Variants in PER2 observed in about 807,000 individuals in gnomAD.
PER2 encodes the protein period circadian protein homolog 2.
Under a neutral mutation model 121.0 loss-of-function variants are expected in PER2, and 66 were observed. The observed-to-expected ratio is 0.55, with a 90% CI of 0.45 to 0.67. PER2 has a LOEUF of 0.67. Among genes scored for constraint, PER2 ranks in the 30% least tolerant of loss-of-function variants. The pLI is 0.00. For synonymous variants in PER2, 684 were observed against 659.9 expected, an observed-to-expected ratio of 1.04 and a Z score of -0.56; for missense variants, 1,521 against 1,635.0, an observed-to-expected ratio of 0.93 and a Z score of 1.20.
At chr2:238,264,022 T>C (rs1574849152) in intron 9 of PER2, among the ~76,000 whole-genome samples, 1 of 115,686 alleles carries the variant, frequency 8.6e-6, no homozygotes. Flanking sequence ...GGGTGGAGGG[T>C]GAAAAGAAGG....
chr2:238,258,229 G>A (rs1695819545), intron 16 of PER2, 47 bp downstream of exon 16: 4 of 1,605,554 alleles, frequency 2.5e-6, no homozygotes, highest in Middle Eastern at 1.7e-4. Context: ...CTACTCCAGA[G>A]GATTTACATT....
chr2:238,283,772 G>C (rs1320982010), intron 1 of PER2, among the ~76,000 whole-genome samples: 1 of 152,198 alleles, frequency 6.6e-6, no homozygotes, highest in Non-Finnish European at 1.5e-5. Context: ...GAGCTGCCAA[G>C]GGGCCGCCCA....
Position 238,268,172 on chromosome 2 carries a change from A to G in PER2, c.851T>C (p.Ile284Thr). 2.5e-6 allele frequency: 4 copies of G among 1,614,024 alleles called. No homozygotes were observed. Among genetic ancestry groups the G allele is most frequent in the Non-Finnish European group, 3.4e-6 (4 of 1,179,998 alleles). The part of the protein sequence containing the change: ...VSVRKSHENE[I>T]RYHPFRMTPY... ...CGTCATGCGGAAGGGGTGGTAGCGG[A>G]TTTCATTCTCGTGGCTTTTCCGGAC... The change falls in exon 8 of 23, where the codon ATC becomes ACC. Residue 284 changes from isoleucine to threonine, a missense_variant. By Grantham distance (89) the Ile-to-Thr change is moderately conservative. Coordinates refer to ENST00000254657, the MANE Select transcript of PER2 (RefSeq NM_022817.3). This position sits in a 1 kb window ranked among gnomAD's most constrained non-coding sequence, Gnocchi z 4.0.
At position 238,249,152 on chromosome 2, in the gene PER2, C is replaced by A. The variant is rs765722086; in HGVS notation, c.3528G>T (p.Gln1176His). 1 of 1,614,148 alleles carries A rather than the reference C, an allele frequency of 6.2e-7. No individual in the cohort carries two copies. The highest frequency in any genetic ancestry group is 8.5e-7 in the Non-Finnish European group (1 of 1,179,948). ...GCTTCTGACTCTCCGTGAACCTGGG[C>A]TGGAGTTTCTGTAGGAGCTTCAGCT... is the stretch of plus-strand genomic sequence containing the variant. Reference protein sequence around the residue: ...REKLKLLQKLQPRFTESQKQE... With the variant: ...REKLKLLQKLHPRFTESQKQE... The change falls in exon 22 of 23, where the codon CAG (glutamine) becomes CAT (histidine). Residue 1176 changes from glutamine (Q) to histidine (H), a missense_variant. By Grantham distance (24) the Gln-to-His change is conservative. Coordinates refer to ENST00000254657, the MANE Select transcript of PER2 (RefSeq NM_022817.3).
intron 1 of PER2, among the ~76,000 whole-genome samples, chr2:238,279,622 G>A (rs1018578889): frequency 6.6e-6 from 1 of 152,318 alleles, no homozygotes; most frequent in Admixed American, 6.5e-5. Context: ...CAAAGGGAGA[G>A]AAGGGTTTCT....
Position 238,283,382 on chromosome 2 carries a change from T to C in PER2, c.-20+4967A>G, listed in dbSNP as rs541222565. ...CCCTTTTCCTTTTCTACTGCTACCCTGGGACTGCAATTCCCAGTAAAGTGC... is the reference window on the plus strand; with the variant it reads ...CCCTTTTCCTTTTCTACTGCTACCCCGGGACTGCAATTCCCAGTAAAGTGC... On this transcript the variant is annotated intron_variant, in intron 1 of 22. Transcript: ENST00000254657. Among the ~76,000 whole-genome samples, 21 of 152,352 alleles carry C rather than the reference T, an allele frequency of 1.4e-4. No homozygotes were observed. The South Asian group carries it at 3.3e-3, about 24-fold the overall frequency.
At chr2:238,297,909 G>C in the PER2 span, among the ~76,000 whole-genome samples, 1 of 152,202 alleles carries the variant, frequency 6.6e-6, no homozygotes, top group East Asian at 1.9e-4. Context: ...CGCGTGTCTG[G>C]CTTGCCTCGT....
At chr2:238,257,864 T>G (rs1487393607) in intron 16 of PER2, among the ~76,000 whole-genome samples, 1 of 152,244 alleles carries the variant, frequency 6.6e-6, no homozygotes, top group Non-Finnish European at 1.5e-5. Flanking sequence ...TTATGGGCCA[T>G]GTTAACATTC....
upstream of PER2, among the ~76,000 whole-genome samples, chr2:238,291,154 G>A (rs1469983556): frequency 6.6e-6 from 1 of 152,240 alleles, no homozygotes; most frequent in East Asian, 1.9e-4. Context: ...TTTAGTTGGG[G>A]GTGGAGGTGG....
chr2:238,268,259 G>A lies in PER2; in HGVS notation c.825-61C>T. 6.4e-7 allele frequency: 1 copy of A among 1,555,436 alleles called. No individual in the cohort carries two copies. Among genetic ancestry groups the A allele is most frequent in the Non-Finnish European group, 8.8e-7 (1 of 1,134,118 alleles). On this transcript the variant is annotated intron_variant, in intron 7 of 22. Transcript: ENST00000254657. The surrounding 1 kb of genome is among the most constrained non-coding windows in gnomAD (Gnocchi z 4.0). ...TGACACAGGAACAGTCCCCTGTTCT[G>A]TTCCCTCCTCACCTGGGCCCCATGC...
chr2:238,258,451 G>A, intron 15 of PER2, 46 bp downstream of exon 15: 1 of 1,614,108 alleles, frequency 6.2e-7, no homozygotes, highest in Non-Finnish European at 8.5e-7. Flanking sequence ...TGAGAGGAGG[G>A]AAGGTGTGTG....
At position 238,273,210 on chromosome 2, in the gene PER2, T is replaced by TCA. The variant is rs3217472; in HGVS notation, c.449-21_449-20dup. On this transcript the variant is annotated intron_variant, in intron 4 of 22. Transcript: ENST00000254657. The stretch of plus-strand genomic sequence containing the variant: ...TCATTGGCTGCAGGAGAGACAGTGT[T>TCA]CACTCAGTGGGCAGAACCCAGCGCT... The TCA allele has an allele frequency of 0.087, 139,359 of 1,610,202 alleles. 6,887 individuals carry two copies. The highest frequency in any genetic ancestry group is 0.14 in the South Asian group (12,652 of 90,720).
chr2:238,256,840 T>G, intron 17 of PER2, 82 bp downstream of exon 17: 1 of 1,422,584 alleles, frequency 7.0e-7, no homozygotes, highest in Non-Finnish European at 9.8e-7. Context: ...CTTCTGCACT[T>G]AGAAAAATTT....
intron 21 of PER2, among the ~76,000 whole-genome samples, chr2:238,249,478 T>C (rs984300552): frequency 2.6e-5 from 4 of 152,234 alleles, no homozygotes; most frequent in Non-Finnish European, 4.4e-5. Flanking sequence ...CCTTGTCCCC[T>C]GGGGCTCAGG....
At chr2:238,264,029 A>G (rs1279985519) in intron 9 of PER2, among the ~76,000 whole-genome samples, 4 of 149,786 alleles carry the variant, frequency 2.7e-5, no homozygotes, top group Admixed American at 6.6e-5. Flanking sequence ...GGGTGAAAAG[A>G]AGGAGGGGAG....
Position 238,268,742 on chromosome 2 carries a change from G to C in PER2, c.824+181C>G, listed in dbSNP as rs1004886211. Among the ~76,000 whole-genome samples, 2 of 152,222 alleles carry C rather than the reference G, an allele frequency of 1.3e-5. No individual in the cohort carries two copies. Among genetic ancestry groups the C allele is most frequent in the Admixed American group, 6.5e-5 (1 of 15,286 alleles). ...AGGTTAAAGCACTCCACTGCTGGCC[G>C]CATTCTTAGCGACCTGTACACATTT... On this transcript the variant is annotated intron_variant, in intron 7 of 22. Transcript: ENST00000254657. This position sits in a 1 kb window ranked among gnomAD's most constrained non-coding sequence, Gnocchi z 4.0.
intron 20 of PER2, 88 bp from the exon 21 acceptor site, chr2:238,250,831 TGA>T: frequency 2.1e-6 from 2 of 932,240 alleles, no homozygotes; most frequent in East Asian, 5.0e-5. Flanking sequence ...CAGAATGATT[TGA>T]GAGAGCCCAG....
At chr2:238,270,990 C>T (rs554763364) in intron 6 of PER2, among the ~76,000 whole-genome samples, 6 of 152,370 alleles carry the variant, frequency 3.9e-5, no homozygotes, top group African/African-American at 1.2e-4. Context: ...GCCTTGCTCA[C>T]GCTCCCCACT....
chr2:238,266,088 T>A (rs191995400), intron 8 of PER2, among the ~76,000 whole-genome samples: 2,065 of 150,538 alleles, frequency 0.014, 29 homozygotes, highest in African/African-American at 0.03. Flanking sequence ...TATTTTTAGT[T>A]GAGGTGGGGT....
Sources: allele counts gnomAD v4.1 joint callset (sites outside exome capture counted in the v4.1 genomes callset), GRCh38; gene constraint gnomAD v4.1.1; non-coding constraint Gnocchi (gnomAD v3.1); transcripts MANE v1.5; gene names NCBI Gene and HGNC (gene_info 2026-07-23, HGNC 2026-07-21).